DCLK3: variants seen among roughly 807,000 people sequenced by gnomAD.
DCLK3 encodes doublecortin like kinase 3.
DCLK3 carries 30 observed loss-of-function variants against 46.4 expected under a neutral mutation model. The observed-to-expected ratio is 0.65, with a 90% CI of 0.48 to 0.88. DCLK3 has a LOEUF of 0.88. Ranked by LOEUF, DCLK3 falls within the 40% of genes least tolerant of loss-of-function variation. DCLK3 has a pLI of 0.00. For synonymous variants in DCLK3, 401 were observed against 339.2 expected (o/e 1.18, Z -2.00); for missense variants, 846 against 907.1 (o/e 0.93, Z 0.87).
intron 1 of DCLK3, among the ~76,000 whole-genome samples, chr3:36,746,055 T>A (rs1382639736): frequency 6.6e-6 from 1 of 152,196 alleles, no homozygotes; most frequent in Non-Finnish European, 1.5e-5. Flanking sequence ...CTAATTAACA[T>A]CCTCACTACC....
chr3:36,737,500 A>G lies in DCLK3; in HGVS notation c.1667T>C (p.Ile556Thr), dbSNP rs757654846. ...ETRQAYAMKIIDKSRLKGKED... is the reference protein window; with the variant it reads ...ETRQAYAMKITDKSRLKGKED... ...CTTGCCCTTGAGTCTGGACTTGTCA[A>G]TGATCTTCATCGCATAGGCCTGCCT... Residue 556 changes from isoleucine to threonine, a missense_variant, in exon 2 of 5, where the codon ATT becomes ACT. Ile to Thr is a moderately conservative substitution (Grantham distance 89). This residue lies in a region of DCLK3 where 247 missense variants were observed against 322.8 expected (regional missense o/e 0.77). Transcript: ENST00000636136. The surrounding 1 kb of genome is among the most constrained non-coding windows in gnomAD (Gnocchi z 4.4). The G allele has an allele frequency of 6.2e-7, 1 of 1,614,142 alleles. No homozygotes were observed. The highest frequency in any genetic ancestry group is 8.5e-7 in the Non-Finnish European group (1 of 1,180,024).
chr3:36,718,216 C>T lies in DCLK3; in HGVS notation c.2093-39G>A, dbSNP rs370384908. 5.0e-6 allele frequency: 8 copies of T among 1,612,028 alleles called. No homozygotes were observed. The East Asian group carries it at 1.6e-4, about 31-fold the overall frequency. The stretch of plus-strand genomic sequence containing the variant: ...GGCAGAGACACAAGCAAACCTGAGA[C>T]CAGGCAGGGTCAAAGGTGATGAAAT... On this transcript the variant is annotated intron_variant, in intron 3 of 4. Transcript: ENST00000636136.
Position 36,738,442 on chromosome 3 carries a change from A to G in DCLK3, c.725T>C (p.Met242Thr). Residue 242 changes from methionine to threonine, a missense_variant, in exon 2 of 5, where the codon ATG (methionine) becomes ACG (threonine). By Grantham distance (81) the Met-to-Thr change is moderately conservative (BLOSUM62 -1). This residue lies in a region of DCLK3 where 553 missense variants were observed against 543.0 expected (regional missense o/e 1.02). Coordinates refer to ENST00000636136, the MANE Select transcript of DCLK3 (RefSeq NM_001394672.2). ...CTCGGGGATCTTCCCCTGGTGCCTC[A>G]TGGCTGCCTTGCATCCTGCAACTTC... ...CSEVAGCKAA[M>T]RHQGKIPEEL... 1 of 1,465,110 alleles carries G rather than the reference A, an allele frequency of 6.8e-7. No homozygotes were observed. Among genetic ancestry groups the G allele is most frequent in the Non-Finnish European group, 9.0e-7 (1 of 1,108,782 alleles). The allele number at this position is 1,465,110 out of a possible 1,614,324, so 90.8% of individuals were successfully genotyped here.
At chr3:36,718,308 G>C (rs1225720700) in intron 3 of DCLK3, 131 bp from the exon 4 acceptor site, 2 of 1,257,938 alleles carry the variant, frequency 1.6e-6, no homozygotes, top group South Asian at 2.8e-5. Context: ...CAGCAACCAA[G>C]AGCCACTTCC....
intron 1 of DCLK3, among the ~76,000 whole-genome samples, chr3:36,743,782 A>C (rs1701369977): frequency 6.6e-6 from 1 of 152,086 alleles, no homozygotes. Flanking sequence ...AGCCTCCTTG[A>C]GTTCCAAACC....
intron 2 of DCLK3, among the ~76,000 whole-genome samples, chr3:36,724,514 T>TG (rs148533946): frequency 0.015 from 2,250 of 152,280 alleles, 48 homozygotes; most frequent in African/African-American, 0.051. Flanking sequence ...CCACATGTTG[T>TG]GGGAGGAACC....
intron 1 of DCLK3, among the ~76,000 whole-genome samples, chr3:36,741,206 G>A (rs1403293216): frequency 6.6e-6 from 1 of 152,180 alleles, no homozygotes; most frequent in Non-Finnish European, 1.5e-5. Context: ...TTCCTGCATT[G>A]GGGAACTGAG....
chr3:36,713,984 C>T lies in DCLK3; in HGVS notation c.*1344G>A, dbSNP rs926286621. ...CATCATCCAGCAGCACCCCAAGGAG[C>T]TTATTCCCTTCAGTCTTGGAGGACC... On this transcript the variant is annotated 3_prime_UTR_variant, in exon 5 of 5. Transcript: ENST00000636136. The T allele has an allele frequency of 6.6e-6, 1 of 152,238 alleles. No homozygotes were observed. Among genetic ancestry groups the T allele is most frequent in the Non-Finnish European group, 1.5e-5 (1 of 68,068 alleles). The allele number at this position is 152,238 out of a possible 1,614,324, so 9.4% of individuals were successfully genotyped here. A position where few individuals can be genotyped will look rare whatever the true frequency, so the allele number is the denominator to read the frequency against.
In DCLK3 at chr3:36,714,951, A is replaced by C. The variant is rs189122261; in HGVS notation, c.*377T>G. ...CTGTTATTCAGAGCACATTTTATTA[A>C]CACAGAAAGACCACAATGCACCTTA... is the stretch of plus-strand genomic sequence containing the variant. On this transcript the variant is annotated 3_prime_UTR_variant, in exon 5 of 5. Coordinates refer to ENST00000636136, the MANE Select transcript of DCLK3 (RefSeq NM_001394672.2). 2.6e-3 allele frequency: 458 copies of C among 179,200 alleles called. No homozygotes were observed. The highest frequency in any genetic ancestry group is 4.4e-3 in the Non-Finnish European group (371 of 84,708). The allele number at this position is 179,200 out of a possible 1,614,324, so 11.1% of individuals were successfully genotyped here.
intron 3 of DCLK3, among the ~76,000 whole-genome samples, chr3:36,718,621 G>A (rs1446961052): frequency 2.0e-5 from 3 of 152,188 alleles, no homozygotes; most frequent in African/African-American, 7.2e-5. Context: ...GCAGGACCGT[G>A]AGTCCACACT....
At chr3:36,763,608 T>C (rs1701557938) in intron 1 of DCLK3, among the ~76,000 whole-genome samples, 1 of 152,214 alleles carries the variant, frequency 6.6e-6, no homozygotes, top group Non-Finnish European at 1.5e-5. Flanking sequence ...TTTAGATGGG[T>C]CAGAGACCTC....
At chr3:36,721,074 T>C (rs981312007) in intron 3 of DCLK3, among the ~76,000 whole-genome samples, 1 of 152,230 alleles carries the variant, frequency 6.6e-6, no homozygotes, top group Non-Finnish European at 1.5e-5. Context: ...AAGTAGGTAA[T>C]AAATATTCAT....
Position 36,764,132 on chromosome 3 carries a change from C to A in DCLK3, c.82+50G>T. ...TAGGGCGAATGAGTCCTCCCGCCCC[C>A]GCCAAGGTGGCGCCCAGAACGGGTC... On this transcript the variant is annotated intron_variant, in intron 1 of 4. Transcript: ENST00000636136. The surrounding 1 kb of genome is among the most constrained non-coding windows in gnomAD (Gnocchi z 4.9). 3.0e-6 allele frequency: 1 copy of A among 329,158 alleles called. No individual in the cohort carries two copies. The highest frequency in any genetic ancestry group is 5.5e-6 in the Non-Finnish European group (1 of 180,540). 20.4% of individuals were successfully genotyped at this position (329,158 alleles called of 1,614,324 possible).
chr3:36,728,694 G>A (rs375836970), intron 2 of DCLK3, among the ~76,000 whole-genome samples: 2 of 152,292 alleles, frequency 1.3e-5, no homozygotes, highest in African/African-American at 4.8e-5. Context: ...CTTGTGGACA[G>A]CCAGTCATGG....
At chr3:36,763,832 T>A (rs1701559902) in intron 1 of DCLK3, among the ~76,000 whole-genome samples, 1 of 152,208 alleles carries the variant, frequency 6.6e-6, no homozygotes, top group Non-Finnish European at 1.5e-5. Context: ...CTGCGCCTTC[T>A]CCCTTCTGCA....
chr3:36,743,798 T>C (rs1177716190), intron 1 of DCLK3, among the ~76,000 whole-genome samples: 2 of 151,950 alleles, frequency 1.3e-5, no homozygotes, highest in Admixed American at 6.6e-5. Flanking sequence ...AAACCCAAAT[T>C]CCTCTGCTTG....
At chr3:36,747,412 G>T (rs1254172405) in intron 1 of DCLK3, among the ~76,000 whole-genome samples, 1 of 151,624 alleles carries the variant, frequency 6.6e-6, no homozygotes, top group Non-Finnish European at 1.5e-5. Flanking sequence ...AAGGGAAAAG[G>T]TTTGAGCTTA....
In DCLK3 at chr3:36,738,123, C is replaced by A. The variant is rs1174478965; in HGVS notation, c.1044G>T (p.Arg348Ser). ...GPMYDVEKLV[R>S]TRSCRRSPEA... The stretch of plus-strand genomic sequence containing the variant: ...CGGGAGACCTCCTGCAGCTTCTGGT[C>A]CTCACCAGCTTCTCCACATCATACA... Residue 348 changes from arginine (R) to serine (S), a missense_variant, in exon 2 of 5, where the codon AGG (arginine) becomes AGT (serine). Coordinates refer to ENST00000636136, the MANE Select transcript of DCLK3 (RefSeq NM_001394672.2). The A allele has an allele frequency of 6.2e-7, 1 of 1,613,922 alleles. No homozygotes were observed. Among genetic ancestry groups the A allele is most frequent in the Non-Finnish European group, 8.5e-7 (1 of 1,179,992 alleles).
At chr3:36,734,907 T>C (rs180684268) in intron 2 of DCLK3, among the ~76,000 whole-genome samples, 2 of 152,348 alleles carry the variant, frequency 1.3e-5, no homozygotes, top group Admixed American at 1.3e-4. Flanking sequence ...GCTGACTTTC[T>C]CCATCTCAAA....
Sources: allele counts gnomAD v4.1 joint callset (sites outside exome capture counted in the v4.1 genomes callset), GRCh38; gene constraint gnomAD v4.1.1; regional missense constraint gnomAD v4.1.1; non-coding constraint Gnocchi (gnomAD v3.1); transcripts MANE v1.5; gene names NCBI Gene and HGNC (gene_info 2026-07-23, HGNC 2026-07-21).